TMSB15B: variants seen among roughly 807,000 people sequenced by gnomAD.
TMSB15B encodes the protein thymosin beta-15B.
At chrX:103,930,105 G>A (rs1468186497) in intron 1 of TMSB15B, among the ~76,000 whole-genome samples, 1 of 110,970 alleles carries the variant, frequency 9.0e-6, no homozygotes, top group Non-Finnish European at 1.9e-5. Flanking sequence ...TTCAAAATAT[G>A]CTCCTTATAT....
At position 103,928,547 on chromosome X, in the gene TMSB15B, T is replaced by C. The variant is rs879971315; in HGVS notation, c.-721+9255T>C. On this transcript the variant is annotated intron_variant, in intron 1 of 3. Transcript: ENST00000419165. The stretch of plus-strand genomic sequence containing the variant: ...CAGGATGGTTGCAAGCAAGCTCGCT[T>C]ACCCAGCACCTTCAGCATTCTTGAG... The C allele has an allele frequency of 3.5e-5, 41 of 1,184,615 alleles. No homozygotes were observed. In the South Asian group the frequency reaches 6.4e-4, roughly 19 times the overall value.
At chrX:103,928,927 C>T (rs1432521089) in intron 1 of TMSB15B, 48 of 1,205,482 alleles carry the variant, frequency 4.0e-5, no homozygotes, top group East Asian at 8.9e-5. Flanking sequence ...CCTGGTCATC[C>T]TAAGGTCCAG....
At chrX:103,925,732 T>A (rs1556318707) in intron 1 of TMSB15B, among the ~76,000 whole-genome samples, 1 of 112,207 alleles carries the variant, frequency 8.9e-6, no homozygotes, top group East Asian at 2.8e-4. Context: ...GGTACAATAG[T>A]TGGGAGTCCT....
chrX:103,944,533 A>G (rs1310861958), intron 1 of TMSB15B, among the ~76,000 whole-genome samples: 2 of 112,056 alleles, frequency 1.8e-5, no homozygotes, highest in Admixed American at 1.9e-4. Flanking sequence ...ACTAACTTTT[A>G]TTTCCTGGAG....
intron 1 of TMSB15B, among the ~76,000 whole-genome samples, chrX:103,934,709 A>G (rs1556320874): frequency 8.9e-6 from 1 of 111,849 alleles, no homozygotes; most frequent in Non-Finnish European, 1.9e-5. Context: ...CATGGTGTAT[A>G]TATGCCACAT....
intron 1 of TMSB15B, among the ~76,000 whole-genome samples, chrX:103,942,918 A>G (rs1217025028): frequency 8.9e-6 from 1 of 111,892 alleles, no homozygotes; most frequent in Non-Finnish European, 1.9e-5. Context: ...AAATCAGTTT[A>G]TATGTGTTGA....
intron 1 of TMSB15B, among the ~76,000 whole-genome samples, chrX:103,937,828 G>A (rs1358885293): frequency 9.0e-6 from 1 of 111,398 alleles, no homozygotes; most frequent in Admixed American, 9.5e-5. Flanking sequence ...TTCCCTCTAC[G>A]CATTGCTTTA....
intron 1 of TMSB15B, chrX:103,932,087 A>G (rs1444936575): frequency 1.8e-5 from 2 of 111,679 alleles, no homozygotes; most frequent in Non-Finnish European, 3.8e-5. Flanking sequence ...ATCCTTTGCA[A>G]TATCCTTTAT....
chrX:103,939,148 C>T (rs1275838861), intron 1 of TMSB15B, among the ~76,000 whole-genome samples: 1 of 111,042 alleles, frequency 9.0e-6, no homozygotes, highest in African/African-American at 3.3e-5. Context: ...TTGTTCTTCT[C>T]GAGGAGTATC....
intron 1 of TMSB15B, among the ~76,000 whole-genome samples, chrX:103,947,998 T>C (rs782381582): frequency 1.8e-5 from 2 of 110,627 alleles, no homozygotes; most frequent in Admixed American, 9.6e-5. Flanking sequence ...ATGAGAACAT[T>C]TGGGGACAGG....
chrX:103,946,412 C>T (rs1220358054), intron 1 of TMSB15B, among the ~76,000 whole-genome samples: 7 of 112,173 alleles, frequency 6.2e-5, no homozygotes, highest in African/African-American at 9.7e-5. Flanking sequence ...AGCAAGAGTA[C>T]GCATAAATGC....
intron 1 of TMSB15B, among the ~76,000 whole-genome samples, chrX:103,935,041 C>T (rs1443833653): frequency 2.0e-4 from 22 of 112,275 alleles, no homozygotes; most frequent in Admixed American, 1.8e-3. Context: ...CTCTAACTGG[C>T]GTGAGATGGT....
chrX:103,933,762 C>T (rs781910944), intron 1 of TMSB15B, among the ~76,000 whole-genome samples: 1 of 110,338 alleles, frequency 9.1e-6, no homozygotes, highest in East Asian at 2.8e-4. Flanking sequence ...ACCATTGTAC[C>T]ATAATTTATT....
chrX:103,924,229 T>G (rs1363493483), intron 1 of TMSB15B, among the ~76,000 whole-genome samples: 1 of 111,322 alleles, frequency 9.0e-6, no homozygotes. Flanking sequence ...TCATTCTAAA[T>G]GGGCTCCTCT....
intron 1 of TMSB15B, among the ~76,000 whole-genome samples, chrX:103,951,498 A>G (rs1337235521): frequency 8.9e-6 from 1 of 112,181 alleles, no homozygotes; most frequent in African/African-American, 3.2e-5. Context: ...GTTAAGGGAC[A>G]GGAGACCTGT....
At chrX:103,940,698 C>T (rs2075010397) in intron 1 of TMSB15B, among the ~76,000 whole-genome samples, 1 of 110,832 alleles carries the variant, frequency 9.0e-6, no homozygotes, top group African/African-American at 3.3e-5. Context: ...CCAGGCTTCA[C>T]TGGGGTATGA....
intron 1 of TMSB15B, among the ~76,000 whole-genome samples, chrX:103,953,564 T>G (rs1159958686): frequency 2.0e-4 from 23 of 112,783 alleles, no homozygotes; most frequent in Non-Finnish European, 2.8e-4. Context: ...CGGGCCGCCA[T>G]GTTTACTGTT....
chrX:103,933,622 A>G (rs1460597858), intron 1 of TMSB15B, among the ~76,000 whole-genome samples: 1 of 111,614 alleles, frequency 9.0e-6, no homozygotes, highest in Middle Eastern at 4.2e-3. Context: ...GTTTTGTTTT[A>G]CAGATGTTTG....
At chrX:103,950,123 G>A (rs1305412407) in intron 1 of TMSB15B, among the ~76,000 whole-genome samples, 6 of 111,546 alleles carry the variant, frequency 5.4e-5, no homozygotes, top group African/African-American at 2.0e-4. Context: ...CAACTGATTT[G>A]TGGAGGTGGA....
Sources: gnomAD v4.1 joint callset for allele counts (sites outside exome capture counted in the v4.1 genomes callset) on GRCh38, gnomAD v4.1.1 for gene constraint, MANE v1.5 for transcripts, NCBI Gene and HGNC (gene_info 2026-07-23, HGNC 2026-07-21) for gene names.